Variants in PELP1 observed in about 807,000 individuals in gnomAD.
PELP1 encodes the protein proline, glutamate and leucine rich protein 1, also known as proline-, glutamic acid- and leucine-rich protein 1.
A neutral mutation model predicts 95.5 loss-of-function variants in PELP1; 32 were observed. The ratio of observed to expected loss-of-function variants is 0.34; its 90% confidence interval spans 0.25 to 0.45. PELP1 has a LOEUF of 0.45. Ranked by LOEUF, PELP1 falls within the 20% of genes least tolerant of loss-of-function variation. PELP1 has a pLI of 1.00. For synonymous variants in PELP1, 668 were observed against 600.1 expected, an observed-to-expected ratio of 1.11 and a Z score of -1.65; for missense variants, 1,358 against 1,444.8, an observed-to-expected ratio of 0.94 and a Z score of 0.97.
chr17:4,685,922 C>T (rs1403056017), intron 3 of PELP1, among the ~76,000 whole-genome samples: 1 of 152,020 alleles, frequency 6.6e-6, no homozygotes, highest in Admixed American at 6.6e-5. Flanking sequence ...CATGGTGAAA[C>T]CCCGTCTCTA....
intron 1 of PELP1, among the ~76,000 whole-genome samples, chr17:4,693,333 C>T (rs1913180662): frequency 6.6e-6 from 1 of 152,214 alleles, no homozygotes; most frequent in Non-Finnish European, 1.5e-5. Context: ...GCAGCAGCGC[C>T]CCCTTATCTG....
At chr17:4,691,886 A>C (rs1445223813) in intron 1 of PELP1, 1 of 155,304 alleles carries the variant, frequency 6.4e-6, no homozygotes, top group Non-Finnish European at 1.4e-5. Context: ...ACAGCTGTAA[A>C]AATGCCAACA....
Position 4,703,968 on chromosome 17 carries a change from T to C in PELP1, c.144A>G (p.Arg48=). 6.2e-7 allele frequency: 1 copy of C among 1,613,590 alleles called. No individual in the cohort carries two copies. The highest frequency in any genetic ancestry group is 8.5e-7 in the Non-Finnish European group (1 of 1,179,738). Residue 48 remains arginine, a synonymous_variant, in exon 1 of 17, where the codon CGA becomes CGG. Coordinates refer to ENST00000572293, the MANE Select transcript of PELP1 (RefSeq NM_014389.3). ...GCACCGGAGCAACGGCAGACCCCGTTCGAGGTTGCAGCAAACCAGAAACAC... is the reference window on the plus strand; with the variant it reads ...GCACCGGAGCAACGGCAGACCCCGTCCGAGGTTGCAGCAAACCAGAAACAC... ...LESVSGLLQP[R]TGSAVAPVHP...
chr17:4,703,867 G>T lies in PELP1; in HGVS notation c.245C>A (p.Ala82Asp). ...LLRLHGSVGGAQNLSALGALV... is the reference protein window; with the variant it reads ...LLRLHGSVGGDQNLSALGALV... Reference sequence around the variant, plus strand: ...GCACGCGGGCCACGGACTCACCTGGGCCCCGCCCACCGACCCATGCAGCCG... The same window carrying T: ...GCACGCGGGCCACGGACTCACCTGGTCCCCGCCCACCGACCCATGCAGCCG... Residue 82 changes from alanine to aspartate, a missense_variant, in exon 1 of 17, where the codon GCC (alanine) becomes GAC (aspartate). This residue lies in a region of PELP1 where 169 missense variants were observed against 134.9 expected (regional missense o/e 1.25). Transcript: ENST00000572293. The T allele has an allele frequency of 6.2e-7, 1 of 1,609,962 alleles. No homozygotes were observed. Among genetic ancestry groups the T allele is most frequent in the Non-Finnish European group, 8.5e-7 (1 of 1,178,298 alleles).
intron 3 of PELP1, 128 bp from the exon 4 acceptor site, chr17:4,683,080 C>G (rs1054632161): frequency 3.0e-6 from 4 of 1,333,660 alleles, no homozygotes; most frequent in Non-Finnish European, 3.9e-6. Flanking sequence ...AAGCCACTAC[C>G]TGGCAGAAAA....
At chr17:4,703,502 T>G (rs1186311952) in intron 1 of PELP1, among the ~76,000 whole-genome samples, 11 of 152,158 alleles carry the variant, frequency 7.2e-5, no homozygotes. Context: ...GGTAAATGTT[T>G]ATTGTTGAAT....
rs2150557899 is a variant in PELP1, at chr17:4,682,500, A to G, written c.642+2T>C. 1 of 1,598,904 alleles carries G rather than the reference A, an allele frequency of 6.3e-7. No individual in the cohort carries two copies. Among genetic ancestry groups the G allele is most frequent in the Non-Finnish European group, 8.6e-7 (1 of 1,166,086 alleles). ...TGGGGAGAAGAGTGCATAAATACTT[A>G]CTTTGAGAGAACCACAAGCCCGAGG... On this transcript the variant is annotated splice_donor_variant, in intron 5 of 16. Transcript: ENST00000572293. LOFTEE classifies it high-confidence loss of function.
chr17:4,682,653 G>A lies in PELP1; in HGVS notation c.571-80C>T, dbSNP rs374004120. On this transcript the variant is annotated intron_variant, in intron 4 of 16. Coordinates refer to ENST00000572293, the MANE Select transcript of PELP1 (RefSeq NM_014389.3). Reference sequence around the variant, plus strand: ...TCCATCTCCCCCAGCACCCCACAAGGGCCCTTCTCCAGAAATCACTTTTTC... The same window carrying A: ...TCCATCTCCCCCAGCACCCCACAAGAGCCCTTCTCCAGAAATCACTTTTTC... 13 of 1,438,476 alleles carry A rather than the reference G, an allele frequency of 9.0e-6. No individual in the cohort carries two copies. The South Asian group carries it at 1.3e-4, about 14-fold the overall frequency. The allele number at this position is 1,438,476 out of a possible 1,614,324, so 89.1% of individuals were successfully genotyped here.
At chr17:4,685,413 A>T (rs1912870688) in intron 3 of PELP1, among the ~76,000 whole-genome samples, 2 of 152,050 alleles carry the variant, frequency 1.3e-5, no homozygotes, top group Admixed American at 1.3e-4. Flanking sequence ...GTGCTTTAAA[A>T]TCCAGTCCGT....
At chr17:4,689,320 C>A (rs566039757) in intron 3 of PELP1, among the ~76,000 whole-genome samples, 4 of 152,224 alleles carry the variant, frequency 2.6e-5, no homozygotes, top group Admixed American at 6.5e-5. Flanking sequence ...GCAACAAAAA[C>A]AAAGATAAAT....
intron 3 of PELP1, among the ~76,000 whole-genome samples, chr17:4,690,291 G>C (rs910032219): frequency 5.9e-5 from 9 of 152,248 alleles, no homozygotes; most frequent in Non-Finnish European, 8.8e-5. Flanking sequence ...TGGGAGATGG[G>C]TGAGGGATAA....
In PELP1 at chr17:4,675,313, T is replaced by C; in HGVS notation, c.1118A>G (p.His373Arg). The C allele has an allele frequency of 6.4e-7, 1 of 1,566,142 alleles. No homozygotes were observed. The highest frequency in any genetic ancestry group is 8.7e-7 in the Non-Finnish European group (1 of 1,155,676). Reference protein sequence around the residue: ...PLRLLLLPSIHLEALDLLSAL... With the variant: ...PLRLLLLPSIRLEALDLLSAL... ...AGACAGCAGGTCCAAGGCCTCAAGG[T>C]GGATAGAGGGCAGCAGCAGCAGCCG... The change falls in exon 10 of 17, where the codon CAC becomes CGC. Residue 373 changes from histidine to arginine, a missense_variant. Transcript: ENST00000572293. This position sits in a 1 kb window ranked among gnomAD's most constrained non-coding sequence, Gnocchi z 4.3.
At chr17:4,684,981 G>C (rs903831170) in intron 3 of PELP1, among the ~76,000 whole-genome samples, 1 of 152,114 alleles carries the variant, frequency 6.6e-6, no homozygotes, top group Non-Finnish European at 1.5e-5. Context: ...TTACAGGGGT[G>C]AGCCACCAAA....
rs1912221214 is a variant in PELP1 at position 4,671,939 on chromosome 17, GCTC to G, written c.3049_3051del (p.Glu1017del). 1 of 1,523,454 alleles carries G rather than the reference GCTC, an allele frequency of 6.6e-7. No homozygotes were observed. The highest frequency in any genetic ancestry group is 1.8e-4 in the Middle Eastern group (1 of 5,508). The allele number at this position is 1,523,454 out of a possible 1,614,324, so 94.4% of individuals were successfully genotyped here. ...AGGGTGGGAGCTGTGTCAGCCCCAC[GCTC>G]CTCCTCCGTCCCTGGCTCCTCCACT... On this transcript the variant is annotated inframe_deletion, in exon 16 of 17. Transcript: ENST00000572293.
intron 3 of PELP1, among the ~76,000 whole-genome samples, chr17:4,686,153 C>T (rs1322477308): frequency 6.6e-6 from 1 of 152,108 alleles, no homozygotes. Context: ...CACTGAGATG[C>T]CCGGCCACTT....
rs558325023 is a variant in PELP1 at position 4,695,240 on chromosome 17, T to A, written c.250-3798A>T. Among the ~76,000 whole-genome samples the A allele has an allele frequency of 1.2e-3, 181 of 152,050 alleles. 4 individuals carry two copies. The Middle Eastern group carries it at 0.014, about 11-fold the overall frequency. ...GGGAGGCTGAGGCAGGAGAATCGCT[T>A]GAACCCGGGAGGCAGAGGTCGCAGT... On this transcript the variant is annotated intron_variant, in intron 1 of 16. Transcript: ENST00000572293.
At position 4,675,733 on chromosome 17, in the gene PELP1, A is replaced by C; in HGVS notation, c.1068+64T>G. On this transcript the variant is annotated intron_variant, in intron 9 of 16. Coordinates refer to ENST00000572293, the MANE Select transcript of PELP1 (RefSeq NM_014389.3). This position sits in a 1 kb window ranked among gnomAD's most constrained non-coding sequence, Gnocchi z 4.3. Reference sequence around the variant, plus strand: ...ACTGTTTGGGGAGACTCAGGTCCCCAGTACTTTCCTGGTTGCCTGGTATCC... The same window carrying C: ...ACTGTTTGGGGAGACTCAGGTCCCCCGTACTTTCCTGGTTGCCTGGTATCC... The C allele has an allele frequency of 8.5e-7, 1 of 1,182,696 alleles. No individual in the cohort carries two copies. The allele number at this position is 1,182,696 out of a possible 1,614,324, so 73.3% of individuals were successfully genotyped here.
At chr17:4,694,923 C>T (rs1432619383) in intron 1 of PELP1, among the ~76,000 whole-genome samples, 2 of 150,394 alleles carry the variant, frequency 1.3e-5, no homozygotes. Context: ...CCGGGAGAAT[C>T]GCTTGAACCC....
intron 1 of PELP1, among the ~76,000 whole-genome samples, chr17:4,701,684 T>C (rs1234514567): frequency 6.6e-6 from 1 of 152,226 alleles, no homozygotes; most frequent in Non-Finnish European, 1.5e-5. Context: ...GGTCTATTGC[T>C]GACTTTCATT....
Sources: allele counts gnomAD v4.1 joint callset (sites outside exome capture counted in the v4.1 genomes callset), GRCh38; gene constraint gnomAD v4.1.1; regional missense constraint gnomAD v4.1.1; non-coding constraint Gnocchi (gnomAD v3.1); transcripts MANE v1.5; gene names NCBI Gene and HGNC (gene_info 2026-07-23, HGNC 2026-07-21).